The following PPP2R2D variants were observed in gnomAD, a reference collection of about 807,000 sequenced individuals.
PPP2R2D encodes protein phosphatase 2 regulatory subunit Bdelta.
Under a neutral mutation model 31.1 loss-of-function variants are expected in PPP2R2D, and 9 were observed. The observed-to-expected ratio is 0.29, with a 90% CI of 0.17 to 0.51. The LOEUF (loss-of-function observed/expected upper bound fraction) is 0.51, where lower values mean the gene tolerates loss of function less well. Ranked by LOEUF, PPP2R2D falls within the 20% of genes least tolerant of loss-of-function variation. The pLI, the probability that PPP2R2D is intolerant of heterozygous loss-of-function variation, is 0.98. For missense variants in PPP2R2D, 391 were observed against 465.6 expected (o/e 0.84, Z 1.48); for synonymous variants, 179 against 172.6 (o/e 1.04, Z -0.29).
intron 5 of PPP2R2D, among the ~76,000 whole-genome samples, chr10:131,941,281 A>G (rs906928074): frequency 6.6e-6 from 1 of 152,220 alleles, no homozygotes; most frequent in African/African-American, 2.4e-5. Context: ...AAATTTTTTC[A>G]TATTTTAACA....
rs1554898147 is a variant in PPP2R2D at position 131,947,560 on chromosome 10, G to C, written c.851G>C (p.Arg284Thr). 1.2e-6 allele frequency: 2 copies of C among 1,614,042 alleles called. No homozygotes were observed. The highest frequency in any genetic ancestry group is 2.7e-5 in the African/African-American group (2 of 74,932). Reference sequence around the variant, plus strand: ...GAAGAGCCTGAAGATCCCAGCAGTAGGTCCTTCTTCTCAGAAATAATTTCA... The same window carrying C: ...GAAGAGCCTGAAGATCCCAGCAGTACGTCCTTCTTCTCAGAAATAATTTCA... ...FFEEPEDPSSRSFFSEIISSI... is the reference protein window; with the variant it reads ...FFEEPEDPSSTSFFSEIISSI... The change falls in exon 8 of 9, where the codon AGG becomes ACG. Residue 284 changes from arginine (R) to threonine (T), a missense_variant. By Grantham distance (71) the Arg-to-Thr change is moderately conservative. Transcript: ENST00000455566. This position sits in a 1 kb window ranked among gnomAD's most constrained non-coding sequence, Gnocchi z 4.3.
At chr10:131,946,519 T>C (rs1308395474) in intron 7 of PPP2R2D, among the ~76,000 whole-genome samples, 1 of 152,136 alleles carries the variant, frequency 6.6e-6, no homozygotes, top group African/African-American at 2.4e-5. Context: ...TGAGGTTGAG[T>C]GTGTTTTTAA....
chr10:131,952,706 A>G (rs2036690770), intron 8 of PPP2R2D, among the ~76,000 whole-genome samples: 1 of 78,688 alleles, frequency 1.3e-5, no homozygotes. Flanking sequence ...TCACTGTCTT[A>G]GTGACTTGCG....
the PPP2R2D span, chr10:131,970,981 G>A: frequency 9.3e-6 from 15 of 1,611,050 alleles, no homozygotes; most frequent in African/African-American, 1.3e-4. This position sits in a 1 kb window ranked among gnomAD's most constrained non-coding sequence, Gnocchi z 4.1. Flanking sequence ...CTAAGATAAA[G>A]TCAATGTTAA....
At chr10:131,907,515 C>T (rs1436033691) in intron 2 of PPP2R2D, among the ~76,000 whole-genome samples, 1 of 151,932 alleles carries the variant, frequency 6.6e-6, no homozygotes, top group African/African-American at 2.4e-5. Flanking sequence ...CCGAGGCGGG[C>T]GGATCACGAG....
At chr10:131,909,659 G>A (rs1194189585) in intron 2 of PPP2R2D, among the ~76,000 whole-genome samples, 3 of 152,292 alleles carry the variant, frequency 2.0e-5, no homozygotes, top group South Asian at 2.1e-4. Context: ...GCCAGATGTC[G>A]CCCAGGTTGT....
rs536346711 is a variant in PPP2R2D at position 131,939,623 on chromosome 10, A to G, written c.199-408A>G. On this transcript the variant is annotated intron_variant, in intron 3 of 8. Coordinates refer to ENST00000455566, the MANE Select transcript of PPP2R2D (RefSeq NM_018461.5). ...CTGCGTTTGGCAGACCTGCTTCAGA[A>G]AATACGGCAGGCTGCATTCAGCAGA... Among the ~76,000 whole-genome samples the G allele has an allele frequency of 3.7e-4, 53 of 142,958 alleles. 4 individuals are homozygous for G. The highest frequency in any genetic ancestry group is 6.1e-4 in the Admixed American group (9 of 14,800). 93.8% of individuals were successfully genotyped at this position (142,958 alleles called of 152,430 possible). A position where few individuals can be genotyped will look rare whatever the true frequency, so the allele number is the denominator to read the frequency against.
chr10:131,913,492 C>A (rs1018464443), intron 2 of PPP2R2D, among the ~76,000 whole-genome samples: 3 of 151,872 alleles, frequency 2.0e-5, no homozygotes, highest in Non-Finnish European at 4.4e-5. Context: ...ATTGCTGTTG[C>A]TACTCTGGAA....
At chr10:131,948,876 G>T (rs2036590451) in intron 8 of PPP2R2D, among the ~76,000 whole-genome samples, 1 of 152,230 alleles carries the variant, frequency 6.6e-6, no homozygotes, top group African/African-American at 2.4e-5. Flanking sequence ...TCCACTGGCA[G>T]ATAGGGTCCA....
rs370080413 is a variant in PPP2R2D, at chr10:131,940,700, C to T, written c.477+6C>T. On this transcript the variant is annotated splice_donor_region_variant and intron_variant, in intron 5 of 8. Coordinates refer to ENST00000455566, the MANE Select transcript of PPP2R2D (RefSeq NM_018461.5). Reference sequence around the variant, plus strand: ...TTAGGATCACGGCGCTACGGGTACACGTTGCCTTTGCTTTATCCAATGCTG... The same window carrying T: ...TTAGGATCACGGCGCTACGGGTACATGTTGCCTTTGCTTTATCCAATGCTG... The T allele has an allele frequency of 1.2e-5, 9 of 769,074 alleles. No homozygotes were observed. Among genetic ancestry groups the T allele is most frequent in the African/African-American group, 6.8e-5 (4 of 58,806 alleles). The allele number at this position is 769,074 out of a possible 1,614,324, so 47.6% of individuals were successfully genotyped here.
intron 2 of PPP2R2D, among the ~76,000 whole-genome samples, chr10:131,927,863 AT>A (rs2036137795): frequency 6.6e-6 from 1 of 152,150 alleles, no homozygotes; most frequent in Admixed American, 6.5e-5. Flanking sequence ...CTTGACGGAC[AT>A]TTGAGTTGAT....
intron 5 of PPP2R2D, among the ~76,000 whole-genome samples, chr10:131,943,568 G>C (rs781802492): frequency 3.3e-5 from 5 of 152,098 alleles, no homozygotes; most frequent in Non-Finnish European, 7.4e-5. Context: ...AGAGGTGTGT[G>C]CATCTAGCTG....
downstream of PPP2R2D, among the ~76,000 whole-genome samples, chr10:131,960,284 T>C (rs1047712642): frequency 2.0e-5 from 3 of 152,250 alleles, no homozygotes; most frequent in South Asian, 6.2e-4. Flanking sequence ...GTCATCAGCT[T>C]CTGAAGGTTA....
At chr10:131,950,452 C>T (rs1040433845) in intron 8 of PPP2R2D, among the ~76,000 whole-genome samples, 32 of 152,140 alleles carry the variant, frequency 2.1e-4, no homozygotes, top group Admixed American at 1.8e-3. Context: ...GACTGAGACT[C>T]GGCTTTGCCA....
intron 2 of PPP2R2D, among the ~76,000 whole-genome samples, chr10:131,903,691 A>G (rs997460233): frequency 2.0e-5 from 3 of 152,174 alleles, no homozygotes; most frequent in Non-Finnish European, 2.9e-5. Flanking sequence ...ATTTTAATCC[A>G]TGTATGCTTT....
intron 2 of PPP2R2D, among the ~76,000 whole-genome samples, chr10:131,908,178 C>T (rs2035627915): frequency 6.6e-6 from 1 of 152,202 alleles, no homozygotes; most frequent in Admixed American, 6.5e-5. Flanking sequence ...TCCTTACCTG[C>T]TTCATGTCCA....
intron 2 of PPP2R2D, among the ~76,000 whole-genome samples, chr10:131,922,052 G>A (rs556901413): frequency 1.2e-4 from 18 of 152,204 alleles, no homozygotes; most frequent in Non-Finnish European, 2.4e-4. Context: ...CTTGAAAAGA[G>A]TGGCCCTACC....
chr10:131,968,647 C>T, the PPP2R2D span: 18 of 1,350,838 alleles, frequency 1.3e-5, no homozygotes, highest in African/African-American at 2.2e-4. Flanking sequence ...CAGGGTAGCT[C>T]ACTGTGGTTA....
At chr10:131,934,859 GCT>G (rs1401970678) in intron 3 of PPP2R2D, 1 of 478,252 alleles carries the variant, frequency 2.1e-6, no homozygotes, top group Non-Finnish European at 4.1e-6. Context: ...AACTCACGCG[GCT>G]CTCTCTGAAA....
Sources: gnomAD v4.1 joint callset for allele counts (sites outside exome capture counted in the v4.1 genomes callset) on GRCh38, gnomAD v4.1.1 for gene constraint, Gnocchi (gnomAD v3.1) non-coding constraint, MANE v1.5 for transcripts, NCBI Gene and HGNC (gene_info 2026-07-23, HGNC 2026-07-21) for gene names.